UBR4: variants seen among roughly 807,000 people sequenced by gnomAD.
UBR4 encodes the protein E3 ubiquitin-protein ligase UBR4.
Under a neutral mutation model 575.6 loss-of-function variants are expected in UBR4, and 124 were observed. The observed-to-expected ratio is 0.22, with a 90% CI of 0.19 to 0.25. The LOEUF (loss-of-function observed/expected upper bound fraction) is 0.25, where lower values mean the gene tolerates loss of function less well. Ranked by LOEUF, UBR4 falls within the 10% of genes least tolerant of loss-of-function variation. The probability of loss-of-function intolerance (pLI) is 1.00; values close to 1 mark genes in which losing one functional copy is unlikely to be tolerated. For missense variants in UBR4, 4,818 were observed against 6,478.8 expected (o/e 0.74, Z 8.80); for synonymous variants, 2,455 against 2,473.7 (o/e 0.99, Z 0.22).
At position 19,106,480 on chromosome 1, in the gene UBR4, T is replaced by C. The variant is rs528816330; in HGVS notation, c.12393+89A>G. 1.6e-4 allele frequency: 228 copies of C among 1,439,324 alleles called. 2 individuals are homozygous for C. In the African/African-American group the frequency reaches 2.3e-3, roughly 15 times the overall value. 89.2% of individuals were successfully genotyped at this position (1,439,324 alleles called of 1,614,324 possible). ...AGCAAAGAGAAAGAAGAGATGGCAG[T>C]GCAGACACATGGTGAGGGGCAGAAA... On this transcript the variant is annotated intron_variant, in intron 83 of 105. Coordinates refer to ENST00000375254, the MANE Select transcript of UBR4 (RefSeq NM_020765.3).
chr1:19,141,239 C>A, intron 57 of UBR4, 108 bp downstream of exon 57: 3 of 1,454,110 alleles, frequency 2.1e-6, no homozygotes, highest in Non-Finnish European at 2.8e-6. Flanking sequence ...AGATCAACCT[C>A]TCCCCATATC....
intron 19 of UBR4, 122 bp downstream of exon 19, chr1:19,177,339 T>C: frequency 7.2e-6 from 9 of 1,247,836 alleles, no homozygotes; most frequent in Non-Finnish European, 1.0e-5. Context: ...ATCCTACCCA[T>C]CAACCTACCA....
At chr1:19,154,068 T>C in intron 44 of UBR4, 129 bp from the exon 45 acceptor site, 2 of 1,019,058 alleles carry the variant, frequency 2.0e-6, no homozygotes, top group South Asian at 3.3e-5. Flanking sequence ...GGACTCAGAT[T>C]ATCCACAGGT....
intron 20 of UBR4, among the ~76,000 whole-genome samples, chr1:19,176,090 A>AT (rs796084273): frequency 2.8e-4 from 40 of 143,374 alleles, no homozygotes; most frequent in South Asian, 2.0e-3. Flanking sequence ...CTCAGCCTCA[A>AT]TTTTTTTTTT....
At chr1:19,199,084 T>C (rs1382359365) in intron 3 of UBR4, among the ~76,000 whole-genome samples, 156 bp from the exon 4 acceptor site, 1 of 152,258 alleles carries the variant, frequency 6.6e-6, no homozygotes, top group Non-Finnish European at 1.5e-5. Context: ...AGACCGTATG[T>C]AGCTTATAGA....
chr1:19,113,937 G>A lies in UBR4; in HGVS notation c.11328+8C>T. ...CTTATCCAAATGCCCTTTGCAGCGT[G>A]GGACTACCTGTGGCTTTTCTGGAGC... On this transcript the variant is annotated splice_region_variant and intron_variant, in intron 76 of 105. Transcript: ENST00000375254. The A allele has an allele frequency of 6.2e-7, 1 of 1,614,228 alleles. No homozygotes were observed. The highest frequency in any genetic ancestry group is 8.5e-7 in the Non-Finnish European group (1 of 1,180,040).
intron 48 of UBR4, 163 bp from the exon 49 acceptor site, chr1:19,150,956 T>C (rs1440179148): frequency 2.8e-6 from 2 of 712,818 alleles, no homozygotes; most frequent in Admixed American, 2.9e-5. Flanking sequence ...ATCGTGTATA[T>C]ATGCTGAATA....
At chr1:19,182,366 G>A (rs1490393149) in intron 17 of UBR4, among the ~76,000 whole-genome samples, 1 of 151,866 alleles carries the variant, frequency 6.6e-6, no homozygotes, top group Admixed American at 6.6e-5. Flanking sequence ...TGGCAGATGG[G>A]GATCTTGCTA....
chr1:19,193,621 C>T (rs748506600), intron 8 of UBR4, 64 bp from the exon 9 acceptor site: 79 of 1,529,482 alleles, frequency 5.2e-5, no homozygotes, highest in Middle Eastern at 3.6e-4. Context: ...AAAGCTGAAA[C>T]ACAAAAGCAC....
Position 19,153,989 on chromosome 1 carries a change from A to C in UBR4, c.6459-50T>G. 6.3e-7 allele frequency: 1 copy of C among 1,583,810 alleles called. No individual in the cohort carries two copies. Among genetic ancestry groups the C allele is most frequent in the Non-Finnish European group, 8.6e-7 (1 of 1,163,794 alleles). ...GTTAGAGTGTCAGTCACCATTTAAT[A>C]GTTCTTTTCTTGACCTAAAAACCAT... On this transcript the variant is annotated intron_variant, in intron 44 of 105. Coordinates refer to ENST00000375254, the MANE Select transcript of UBR4 (RefSeq NM_020765.3). The surrounding 1 kb of genome is among the most constrained non-coding windows in gnomAD (Gnocchi z 4.1).
intron 70 of UBR4, 61 bp from the exon 71 acceptor site, chr1:19,119,018 AC>A: frequency 6.5e-7 from 1 of 1,534,182 alleles, no homozygotes; most frequent in Middle Eastern, 1.8e-4. Context: ...ATTGGAAAAG[AC>A]TTTTGTCTTC....
chr1:19,104,662 A>T lies in UBR4; in HGVS notation c.12650T>A (p.Ile4217Lys). The T allele has an allele frequency of 6.2e-7, 1 of 1,614,034 alleles. No homozygotes were observed. ...CTCCTCCAGGGCCAGCAGACGAGCTATTTCCTAAACAGGATGACAAGTGCA... is the reference window on the plus strand; with the variant it reads ...CTCCTCCAGGGCCAGCAGACGAGCTTTTTCCTAAACAGGATGACAAGTGCA... Reference protein sequence around the residue: ...PYVGNLITKEIARLLALEEAT... With the variant: ...PYVGNLITKEKARLLALEEAT... The change falls in exon 86 of 106, where the codon ATA (isoleucine) becomes AAA (lysine). Residue 4217 changes from isoleucine (I) to lysine (K), a missense_variant. Coordinates refer to ENST00000375254, the MANE Select transcript of UBR4 (RefSeq NM_020765.3).
intron 27 of UBR4, 98 bp downstream of exon 27, chr1:19,169,337 C>T: frequency 4.1e-6 from 4 of 964,946 alleles, no homozygotes; most frequent in Non-Finnish European, 3.0e-6. Context: ...ATGAAGATAT[C>T]TTGGTAGCTA....
chr1:19,104,910 C>T (rs2079024952), intron 85 of UBR4, 138 bp downstream of exon 85: 1 of 1,372,386 alleles, frequency 7.3e-7, no homozygotes, highest in African/African-American at 1.5e-5. Flanking sequence ...ACAATGAAGT[C>T]ATAAAAATAT....
At chr1:19,150,933 T>C (rs1471477441) in intron 48 of UBR4, 140 bp from the exon 49 acceptor site, 1 of 848,618 alleles carries the variant, frequency 1.2e-6, no homozygotes, top group Non-Finnish European at 1.8e-6. Context: ...TCTGAGATAT[T>C]TGCAGCACTT....
At chr1:19,126,346 G>T in intron 64 of UBR4, 100 bp downstream of exon 64, 1 of 1,417,128 alleles carries the variant, frequency 7.1e-7, no homozygotes, top group Non-Finnish European at 9.8e-7. Flanking sequence ...CCTTCCTATG[G>T]CTCTTCACCC....
chr1:19,209,706 A>T (rs957605155), intron 1 of UBR4, among the ~76,000 whole-genome samples: 24 of 152,198 alleles, frequency 1.6e-4, no homozygotes, highest in African/African-American at 5.6e-4. Flanking sequence ...GCTCCGGCCC[A>T]GGCTAGGAGG....
At chr1:19,165,425 C>A (rs1423003029) in intron 30 of UBR4, 76 bp from the exon 31 acceptor site, 3 of 1,315,996 alleles carry the variant, frequency 2.3e-6, no homozygotes. Flanking sequence ...TCTTCACAAT[C>A]TCATCTCCTC....
chr1:19,153,256 C>T lies in UBR4; in HGVS notation c.6832+45G>A, dbSNP rs752586759. 13 of 1,595,868 alleles carry T rather than the reference C, an allele frequency of 8.1e-6. No individual in the cohort carries two copies. The highest frequency in any genetic ancestry group is 3.3e-5 in the South Asian group (3 of 90,386). ...CTATTCTGAGTCACTGTCTAGAAGA[C>T]CACCATTCCTACTCCCCCACAAGTC... On this transcript the variant is annotated intron_variant, in intron 46 of 105. Transcript: ENST00000375254. The surrounding 1 kb of genome is among the most constrained non-coding windows in gnomAD (Gnocchi z 4.1).
Sources: allele counts gnomAD v4.1 joint callset (sites outside exome capture counted in the v4.1 genomes callset), GRCh38; gene constraint gnomAD v4.1.1; non-coding constraint Gnocchi (gnomAD v3.1); transcripts MANE v1.5; gene names NCBI Gene and HGNC (gene_info 2026-07-23, HGNC 2026-07-21).